Variants in TENM3 observed in about 807,000 individuals in gnomAD.
The protein encoded by TENM3 is teneurin transmembrane protein 3.
Under a neutral mutation model 255.1 loss-of-function variants are expected in TENM3, and 63 were observed. The ratio of observed to expected loss-of-function variants is 0.25; its 90% CI spans 0.20 to 0.30. TENM3 has a LOEUF of 0.30. Ranked by LOEUF, TENM3 falls within the 10% of genes least tolerant of loss-of-function variation. The probability of loss-of-function intolerance (pLI) is 1.00; values close to 1 mark genes in which losing one functional copy is unlikely to be tolerated. For missense variants in TENM3, 2,929 were observed against 3,461.1 expected, an observed-to-expected ratio of 0.85 and a Z score of 3.86; for synonymous variants, 1,306 against 1,322.3, an observed-to-expected ratio of 0.99 and a Z score of 0.27.
intron 3 of TENM3, among the ~76,000 whole-genome samples, chr4:182,347,562 T>C (rs894287621): frequency 2.6e-5 from 4 of 152,184 alleles, no homozygotes; most frequent in African/African-American, 4.8e-5. Context: ...CACACAAAAA[T>C]TGGATTTTAG....
intron 3 of TENM3, among the ~76,000 whole-genome samples, chr4:182,384,856 G>A (rs1767803184): frequency 6.6e-6 from 1 of 151,676 alleles, no homozygotes; most frequent in South Asian, 2.1e-4. Context: ...CTCCGTATTT[G>A]GCTACAGTGT....
the TENM3 span, among the ~76,000 whole-genome samples, chr4:181,540,187 G>A: frequency 2.0e-5 from 3 of 152,096 alleles, no homozygotes; most frequent in African/African-American, 7.2e-5. Flanking sequence ...CAACTGAAAG[G>A]GTCCCCAGAG....
At chr4:182,168,171 A>C (rs765911590) in intron 1 of TENM3, among the ~76,000 whole-genome samples, 2 of 151,602 alleles carry the variant, frequency 1.3e-5, no homozygotes, top group East Asian at 1.9e-4. Flanking sequence ...GTCTCACTGC[A>C]ACACCCAGGC....
chr4:181,860,065 G>A, the TENM3 span, among the ~76,000 whole-genome samples: 2 of 152,136 alleles, frequency 1.3e-5, no homozygotes, highest in Admixed American at 1.3e-4. Context: ...ACCATTACAG[G>A]CAATGCAAAC....
chr4:181,800,566 G>A, the TENM3 span, among the ~76,000 whole-genome samples: 1 of 152,144 alleles, frequency 6.6e-6, no homozygotes, highest in East Asian at 1.9e-4. Flanking sequence ...CCGGGAGGTG[G>A]AGGTTGCAGT....
At chr4:182,330,727 C>T (rs929739472) in intron 2 of TENM3, among the ~76,000 whole-genome samples, 1 of 152,076 alleles carries the variant, frequency 6.6e-6, no homozygotes. Context: ...TCATGGCCTC[C>T]GAAGAGGAGA....
At chr4:182,075,594 C>T in the TENM3 span, among the ~76,000 whole-genome samples, 2 of 152,202 alleles carry the variant, frequency 1.3e-5, no homozygotes, top group South Asian at 2.1e-4. Context: ...CTTCTGTCTT[C>T]TTCAAGAGAT....
intron 5 of TENM3, among the ~76,000 whole-genome samples, chr4:182,634,928 A>G (rs1751718517): frequency 6.6e-6 from 1 of 152,176 alleles, no homozygotes; most frequent in Non-Finnish European, 1.5e-5. Flanking sequence ...ATCCCTCATG[A>G]AGGATAAACA....
chr4:182,625,264 C>T (rs1417572890), intron 4 of TENM3, among the ~76,000 whole-genome samples: 3 of 152,134 alleles, frequency 2.0e-5, no homozygotes, highest in East Asian at 1.9e-4. Flanking sequence ...TACAGATCTG[C>T]GGCCTGTTAG....
intron 2 of TENM3, among the ~76,000 whole-genome samples, chr4:182,326,133 G>A (rs1337171918): frequency 6.6e-6 from 1 of 152,254 alleles, no homozygotes; most frequent in African/African-American, 2.4e-5. Flanking sequence ...TTGGAGAGCA[G>A]AAGTGAATGG....
the TENM3 span, among the ~76,000 whole-genome samples, chr4:182,096,949 G>T: frequency 2.0e-5 from 3 of 152,170 alleles, no homozygotes; most frequent in Admixed American, 6.5e-5. Context: ...TAATGGGTAG[G>T]AGTAAACTGT....
At chr4:182,066,124 G>A in the TENM3 span, among the ~76,000 whole-genome samples, 1 of 152,138 alleles carries the variant, frequency 6.6e-6, no homozygotes, top group Non-Finnish European at 1.5e-5. Flanking sequence ...CAATGCACAA[G>A]GGTTCCAATT....
the TENM3 span, among the ~76,000 whole-genome samples, chr4:181,687,610 G>A: frequency 6.6e-6 from 1 of 152,130 alleles, no homozygotes; most frequent in African/African-American, 2.4e-5. Flanking sequence ...GTTGTTAGAC[G>A]CTGGCAGTCT....
the TENM3 span, among the ~76,000 whole-genome samples, chr4:181,951,152 T>C: frequency 6.6e-6 from 1 of 152,232 alleles, no homozygotes; most frequent in African/African-American, 2.4e-5. Context: ...TTTATTAATT[T>C]CCCACATTGG....
the TENM3 span, among the ~76,000 whole-genome samples, chr4:181,839,351 A>ATG: frequency 5.3e-5 from 2 of 37,650 alleles, no homozygotes; most frequent in African/African-American, 1.6e-4. Flanking sequence ...GAGGGTATAT[A>ATG]TATATATATA....
chr4:182,300,915 T>G (rs1761811544), intron 1 of TENM3, among the ~76,000 whole-genome samples: 1 of 152,248 alleles, frequency 6.6e-6, no homozygotes. Context: ...GAAAAGACCT[T>G]TGACCTCTCT....
At chr4:181,964,140 A>C in the TENM3 span, among the ~76,000 whole-genome samples, 3 of 151,874 alleles carry the variant, frequency 2.0e-5, no homozygotes, top group Non-Finnish European at 4.4e-5. Context: ...CCTTGAAAAA[A>C]AAATAGACTG....
At chr4:181,823,385 A>G in the TENM3 span, among the ~76,000 whole-genome samples, 1 of 152,074 alleles carries the variant, frequency 6.6e-6, no homozygotes, top group African/African-American at 2.4e-5. Flanking sequence ...AAGAGTTGTC[A>G]TGAAAGAGCT....
intron 3 of TENM3, among the ~76,000 whole-genome samples, chr4:182,380,196 G>A (rs111946708): frequency 3.0e-4 from 46 of 152,260 alleles, no homozygotes; most frequent in African/African-American, 1.1e-3. Context: ...ACTTGAACCC[G>A]GGAGGCAGAG....
Sources: gnomAD v4.1 joint callset for allele counts (sites outside exome capture counted in the v4.1 genomes callset) on GRCh38, gnomAD v4.1.1 for gene constraint, MANE v1.5 for transcripts, NCBI Gene and HGNC (gene_info 2026-07-23, HGNC 2026-07-21) for gene names.